SACS: variants seen among roughly 807,000 people sequenced by gnomAD.
The protein encoded by SACS is sacsin molecular chaperone, also known as sacsin.
In SACS, 197 loss-of-function variants were observed where a neutral mutation model predicts 348.0. The ratio of observed to expected loss-of-function variants is 0.57; its 90% CI spans 0.50 to 0.64. The LOEUF is 0.64. Ranked by LOEUF, SACS falls within the 30% of genes least tolerant of loss-of-function variation. The probability of loss-of-function intolerance (pLI) is 0.00; values close to 1 mark genes in which losing one functional copy is unlikely to be tolerated. For missense variants in SACS, 4,999 were observed against 5,360.8 expected, an observed-to-expected ratio of 0.93 and a Z score of 2.11; for synonymous variants, 1,985 against 1,910.6, an observed-to-expected ratio of 1.04 and a Z score of -1.02.
At chr13:23,392,715 TA>T (rs1159046649) in intron 2 of SACS, among the ~76,000 whole-genome samples, 2 of 152,200 alleles carry the variant, frequency 1.3e-5, no homozygotes, top group African/African-American at 4.8e-5. Context: ...CTCTTTCCAT[TA>T]CACAATTTGT....
chr13:23,331,389 C>T lies in SACS; in HGVS notation c.12487G>A (p.Glu4163Lys). The change falls in exon 10 of 10, where the codon GAA becomes AAA. Residue 4163 changes from glutamate (E) to lysine (K), a missense_variant. This residue lies in a region of SACS where 831 missense variants were observed against 941.8 expected (regional missense o/e 0.88). Transcript: ENST00000382292. ...LPMPGTPIPAEIHYTLLMDPM... is the reference protein window; with the variant it reads ...LPMPGTPIPAKIHYTLLMDPM... ...TCCATAAGCAGAGTGTAATGAATTT[C>T]AGCAGGAATTGGTGTGCCAGGCATT... 6.2e-7 allele frequency: 1 copy of T among 1,614,042 alleles called. No homozygotes were observed. The highest frequency in any genetic ancestry group is 2.2e-5 in the East Asian group (1 of 44,872).
chr13:23,355,263 AAAGG>A lies in SACS; in HGVS notation c.1345_1348del (p.Pro449TyrfsTer28). On this transcript the variant is annotated frameshift_variant, in exon 8 of 10. Coordinates refer to ENST00000382292, the MANE Select transcript of SACS (RefSeq NM_014363.6). LOFTEE classifies it high-confidence loss of function. ...TGTGCTGCTTTCCTCACCAGGTGGTAAAGGAAGGAAACAAAATGCTTTTCCTGAG... is the reference window on the plus strand; with the variant it reads ...TGTGCTGCTTTCCTCACCAGGTGGTAAAGGAAACAAAATGCTTTTCCTGAG... 2 of 1,614,172 alleles carry A rather than the reference AAAGG, an allele frequency of 1.2e-6. No individual in the cohort carries two copies. The highest frequency in any genetic ancestry group is 1.7e-6 in the Non-Finnish European group (2 of 1,180,028).
Position 23,334,391 on chromosome 13 carries a change from A to C in SACS, c.9485T>G (p.Val3162Gly), listed in dbSNP as rs1883694896. 2.5e-6 allele frequency: 4 copies of C among 1,613,378 alleles called. No individual in the cohort carries two copies. In the African/African-American group the frequency reaches 4.0e-5, roughly 16 times the overall value. Residue 3162 changes from valine to glycine, a missense_variant, in exon 10 of 10, where the codon GTT becomes GGT. By Grantham distance (109) the Val-to-Gly change is moderately radical. Coordinates refer to ENST00000382292, the MANE Select transcript of SACS (RefSeq NM_014363.6). ...GLPLLITLDS[V>G]LQTFDAKRPK... ...TCGTTTTGCATCAAAAGTTTGCAAA[A>C]CACTGTCCAGTGTGATGAGAAGGGG...
intron 2 of SACS, among the ~76,000 whole-genome samples, chr13:23,388,660 A>G (rs1872405044): frequency 6.8e-6 from 1 of 146,408 alleles, no homozygotes; most frequent in African/African-American, 2.5e-5. Flanking sequence ...GTTCTCACTT[A>G]TAAGTAGGAG....
chr13:23,355,631 C>T lies in SACS; in HGVS notation c.981G>A (p.Glu327=). 1 of 1,614,168 alleles carries T rather than the reference C, an allele frequency of 6.2e-7. No homozygotes were observed. Among genetic ancestry groups the T allele is most frequent in the South Asian group, 1.1e-5 (1 of 91,082 alleles). Reference sequence around the variant, plus strand: ...TCGAAGTCACTCTAAACACCAGTTTCTCTGTTCCGTCAGCCTCTCGGACAT... The same window carrying T: ...TCGAAGTCACTCTAAACACCAGTTTTTCTGTTCCGTCAGCCTCTCGGACAT... ...SLYVREADGT[E]KLVFRVTSSE... Residue 327 remains glutamate, a synonymous_variant, in exon 8 of 10, where the codon GAG becomes GAA. Transcript: ENST00000382292.
In SACS at chr13:23,354,682, C is replaced by G; in HGVS notation, c.1930G>C (p.Ala644Pro). 1 of 1,614,144 alleles carries G rather than the reference C, an allele frequency of 6.2e-7. No individual in the cohort carries two copies. Among genetic ancestry groups the G allele is most frequent in the Non-Finnish European group, 8.5e-7 (1 of 1,180,024 alleles). ...VLRKCAHLGCAEEKLHLLEFV... is the reference protein window; with the variant it reads ...VLRKCAHLGCPEEKLHLLEFV... ...TCTAGAAGGTGAAGCTTTTCTTCAG[C>G]ACAGCCCAGGTGTGCACACTTCCGC... The change falls in exon 8 of 10, where the codon GCT (alanine) becomes CCT (proline). Residue 644 changes from alanine (A) to proline (P), a missense_variant. Transcript: ENST00000382292.
At chr13:23,430,423 A>C (rs781291370) in intron 1 of SACS, among the ~76,000 whole-genome samples, 8 of 152,210 alleles carry the variant, frequency 5.3e-5, no homozygotes, top group Non-Finnish European at 8.8e-5. Context: ...TATACACCTT[A>C]AGTTTGAGTT....
Position 23,334,445 on chromosome 13 carries a change from T to C in SACS, c.9431A>G (p.Glu3144Gly). ...LLVDYCFKDA[E>G]ENEIEVEGLP... ...TCCCTCAACTTCAATCTCATTTTCT[T>C]CTGCATCTTTAAAACAATAATCAAC... The change falls in exon 10 of 10, where the codon GAA becomes GGA. Residue 3144 changes from glutamate (E) to glycine (G), a missense_variant. Glu to Gly is a moderately conservative substitution (Grantham distance 98, BLOSUM62 -2). Transcript: ENST00000382292. 6.2e-7 allele frequency: 1 copy of C among 1,612,588 alleles called. No homozygotes were observed. The highest frequency in any genetic ancestry group is 8.5e-7 in the Non-Finnish European group (1 of 1,179,768).
At chr13:23,358,964 G>A (rs1311362247) in intron 6 of SACS, among the ~76,000 whole-genome samples, 1 of 152,118 alleles carries the variant, frequency 6.6e-6, no homozygotes. Context: ...TAGATCACCT[G>A]AGGTCAGGAG....
rs201561505 is a variant in SACS at position 23,331,709 on chromosome 13, G to T, written c.12167C>A (p.Thr4056Lys). 9 of 1,613,932 alleles carry T rather than the reference G, an allele frequency of 5.6e-6. No homozygotes were observed. Among genetic ancestry groups the T allele is most frequent in the African/African-American group, 1.3e-5 (1 of 75,056 alleles). The change falls in exon 10 of 10, where the codon ACA (threonine) becomes AAA (lysine). Residue 4056 changes from threonine (T) to lysine (K), a missense_variant. Around this residue, in one of 6 missense-constraint regions of SACS, gnomAD observed 831 missense variants for 941.8 expected, o/e 0.88. Coordinates refer to ENST00000382292, the MANE Select transcript of SACS (RefSeq NM_014363.6). ...KVSCFEKLQT[T>K]LRVKGFNPIP... The stretch of plus-strand genomic sequence containing the variant: ...AGGATTAAAACCTTTAACTCTTAAT[G>T]TTGTTTGAAGCTTTTCAAAGCAGGA...
In SACS at chr13:23,330,124, C is replaced by A. The variant is rs756532755; in HGVS notation, c.*12G>T. On this transcript the variant is annotated 3_prime_UTR_variant, in exon 10 of 10. Coordinates refer to ENST00000382292, the MANE Select transcript of SACS (RefSeq NM_014363.6). Reference sequence around the variant, plus strand: ...CACATTCAAGATCTACCTTTTTTTTCGTTAAATATCTTCACACTTTTTGTT... The same window carrying A: ...CACATTCAAGATCTACCTTTTTTTTAGTTAAATATCTTCACACTTTTTGTT... 1 of 1,602,114 alleles carries A rather than the reference C, an allele frequency of 6.2e-7. No individual in the cohort carries two copies. The highest frequency in any genetic ancestry group is 1.7e-5 in the Admixed American group (1 of 58,074).
rs2137553850 is a variant in SACS at position 23,330,985 on chromosome 13, C to T, written c.12891G>A (p.Lys4297=). ...TTTCTGGTAAAGAATTAACCTTAAG[C>T]TTTTTGGGGGACTGATGTTTGGAAG... ...KTSSKHQSPK[K]LKVNSLPEIL... is the part of the protein sequence containing the mutation. Residue 4297 remains lysine (K), a synonymous_variant, in exon 10 of 10, where the codon AAG becomes AAA. Transcript: ENST00000382292. 6.2e-7 allele frequency: 1 copy of T among 1,613,990 alleles called. No individual in the cohort carries two copies. The highest frequency in any genetic ancestry group is 8.5e-7 in the Non-Finnish European group (1 of 1,179,970).
At chr13:23,427,783 A>G (rs1383491041) in intron 1 of SACS, 1 of 152,298 alleles carries the variant, frequency 6.6e-6, no homozygotes, top group Non-Finnish European at 1.5e-5. Context: ...AAGGGGGGAT[A>G]AAGCTGCTTC....
chr13:23,333,872 T>C lies in SACS; in HGVS notation c.10004A>G (p.Asn3335Ser). 3.7e-6 allele frequency: 6 copies of C among 1,613,856 alleles called. No homozygotes were observed. The highest frequency in any genetic ancestry group is 1.3e-5 in the African/African-American group (1 of 75,026). The change falls in exon 10 of 10, where the codon AAC (asparagine) becomes AGC (serine). Residue 3335 changes from asparagine (N) to serine (S), a missense_variant. By Grantham distance (46) the Asn-to-Ser change is conservative (BLOSUM62 1). Coordinates refer to ENST00000382292, the MANE Select transcript of SACS (RefSeq NM_014363.6). ...TGCACTGTCTTTGGAACAGATTTTG[T>C]TCAAAGCAAGCTGAATACAGCCAGC... is the stretch of plus-strand genomic sequence containing the variant. Reference protein sequence around the residue: ...MKAGCIQLALNKICSKDSAFV... With the variant: ...MKAGCIQLALSKICSKDSAFV...
At chr13:23,399,714 T>C (rs1171466452) in intron 2 of SACS, among the ~76,000 whole-genome samples, 2 of 152,116 alleles carry the variant, frequency 1.3e-5, no homozygotes, top group Non-Finnish European at 2.9e-5. Context: ...GAAGTAAATT[T>C]GTCTTGCTGA....
chr13:23,382,084 G>C (rs553305075), intron 2 of SACS, among the ~76,000 whole-genome samples: 23 of 152,224 alleles, frequency 1.5e-4, no homozygotes, highest in Non-Finnish European at 3.4e-4. Context: ...TAGTTGGCAG[G>C]CATCCACCAC....
chr13:23,400,100 G>GGGAA (rs147847351), intron 2 of SACS, among the ~76,000 whole-genome samples: 1,931 of 151,988 alleles, frequency 0.013, 40 homozygotes, highest in African/African-American at 0.044. Context: ...TCCTGGATCT[G>GGGAA]GGAAGGAAGG....
chr13:23,420,713 A>G (rs910195403), intron 1 of SACS, among the ~76,000 whole-genome samples: 2 of 151,824 alleles, frequency 1.3e-5, no homozygotes, highest in Non-Finnish European at 2.9e-5. Flanking sequence ...CCGGTGCCTG[A>G]GGACTTCCTG....
chr13:23,409,354 GTTT>G (rs542678644), intron 2 of SACS, among the ~76,000 whole-genome samples: 5 of 105,648 alleles, frequency 4.7e-5, no homozygotes, highest in Admixed American at 1.0e-4. Context: ...CGCGCTGGCC[GTTT>G]TTTTTTTTTT....
Sources: gnomAD v4.1 joint callset for allele counts (sites outside exome capture counted in the v4.1 genomes callset) on GRCh38, gnomAD v4.1.1 for gene constraint, gnomAD v4.1.1 regional missense constraint, MANE v1.5 for transcripts, NCBI Gene and HGNC (gene_info 2026-07-23, HGNC 2026-07-21) for gene names.